SMYD2: variants seen among roughly 807,000 people sequenced by gnomAD.
SMYD2 encodes N-lysine methyltransferase SMYD2.
Under a neutral mutation model 59.1 loss-of-function variants are expected in SMYD2, and 53 were observed. That is an observed-to-expected ratio of 0.90 (90% CI 0.72 to 1.13). The LOEUF (loss-of-function observed/expected upper bound fraction) is 1.13. Among genes scored for constraint, SMYD2 ranks in the 50% most tolerant of loss-of-function variants. The pLI, the probability that SMYD2 is intolerant of heterozygous loss-of-function variation, is 0.00. For synonymous variants in SMYD2, 208 were observed against 198.8 expected, an observed-to-expected ratio of 1.05 and a Z score of -0.39; for missense variants, 494 against 544.7, an observed-to-expected ratio of 0.91 and a Z score of 0.93.
chr1:214,322,753 C>T (rs1157570737), intron 5 of SMYD2, among the ~76,000 whole-genome samples: 2 of 152,204 alleles, frequency 1.3e-5, no homozygotes, highest in Non-Finnish European at 2.9e-5. Flanking sequence ...TTATCATTTA[C>T]ATATCCTTGA....
intron 10 of SMYD2, 185 bp downstream of exon 10, chr1:214,332,377 C>T (rs557080617): frequency 1.4e-4 from 85 of 608,982 alleles, no homozygotes; most frequent in Non-Finnish European, 2.1e-4. Context: ...TCACCATCAT[C>T]CCAAGGAGAC....
intron 11 of SMYD2, among the ~76,000 whole-genome samples, chr1:214,335,147 G>A (rs1657415828): frequency 6.6e-6 from 1 of 152,216 alleles, no homozygotes; most frequent in Non-Finnish European, 1.5e-5. Context: ...AAATGCTGGG[G>A]CCATGGACAG....
intron 2 of SMYD2, among the ~76,000 whole-genome samples, chr1:214,309,740 A>G (rs1656969264): frequency 6.6e-6 from 1 of 152,206 alleles, no homozygotes; most frequent in African/African-American, 2.4e-5. Flanking sequence ...AGCATCTTAA[A>G]TTTGGGCCAC....
chr1:214,317,965 A>G, intron 3 of SMYD2, 114 bp from the exon 4 acceptor site: 3 of 1,013,742 alleles, frequency 3.0e-6, no homozygotes, highest in Non-Finnish European at 4.6e-6. Context: ...AGCTTGTTTT[A>G]CTTCCTTAAG....
chr1:214,336,574 G>T (rs1571937803), intron 11 of SMYD2, 130 bp from the exon 12 acceptor site: 1 of 645,864 alleles, frequency 1.5e-6, no homozygotes, highest in South Asian at 2.3e-5. Context: ...TCCTGGTGGA[G>T]AACATAGGCT....
intron 5 of SMYD2, among the ~76,000 whole-genome samples, chr1:214,320,108 A>G (rs955572710): frequency 1.3e-5 from 2 of 152,194 alleles, no homozygotes; most frequent in Non-Finnish European, 2.9e-5. Flanking sequence ...GGAAAAGGAA[A>G]TACTATAAAT....
intron 1 of SMYD2, among the ~76,000 whole-genome samples, chr1:214,290,250 T>C (rs2102454074): frequency 6.6e-6 from 1 of 152,328 alleles, no homozygotes; most frequent in Non-Finnish European, 1.5e-5. Flanking sequence ...CAACTTATCT[T>C]TCTAGTCCGT....
intron 10 of SMYD2, chr1:214,333,393 TC>T (rs1334466401): frequency 6.6e-6 from 1 of 152,212 alleles, no homozygotes; most frequent in South Asian, 2.1e-4. Flanking sequence ...GGGCCGTGGG[TC>T]CCAGGGCTGC....
chr1:214,324,880 G>T (rs1657237385), intron 6 of SMYD2, among the ~76,000 whole-genome samples, 172 bp downstream of exon 6: 1 of 152,116 alleles, frequency 6.6e-6, no homozygotes, highest in Non-Finnish European at 1.5e-5. Context: ...TACACTTAAG[G>T]ATCCAAAGGT....
At chr1:214,315,295 T>G (rs2102469182) in intron 3 of SMYD2, among the ~76,000 whole-genome samples, 1 of 152,340 alleles carries the variant, frequency 6.6e-6, no homozygotes, top group East Asian at 1.9e-4. Context: ...TGCTCTTTCT[T>G]GGCTCCTTTC....
At chr1:214,288,347 C>T (rs906868805) in intron 1 of SMYD2, among the ~76,000 whole-genome samples, 2 of 152,186 alleles carry the variant, frequency 1.3e-5, no homozygotes, top group Admixed American at 1.3e-4. Flanking sequence ...AGTGGTTTCT[C>T]TGAATTTCAC....
chr1:214,298,727 A>G (rs1025969260), intron 1 of SMYD2, among the ~76,000 whole-genome samples: 1 of 152,234 alleles, frequency 6.6e-6, no homozygotes, highest in African/African-American at 2.4e-5. Context: ...AAAGTGGGCA[A>G]AGAAGACATA....
chr1:214,318,253 T>C lies in SMYD2; in HGVS notation c.409+114T>C, dbSNP rs1423659775. 1 of 933,902 alleles carries C rather than the reference T, an allele frequency of 1.1e-6. No homozygotes were observed. The highest frequency in any genetic ancestry group is 1.6e-6 in the Non-Finnish European group (1 of 618,394). The allele number at this position is 933,902 out of a possible 1,614,324, so 57.9% of individuals were successfully genotyped here. A position where few individuals can be genotyped will look rare whatever the true frequency, so the allele number is the denominator to read the frequency against. On this transcript the variant is annotated intron_variant, in intron 4 of 11. Coordinates refer to ENST00000366957, the MANE Select transcript of SMYD2 (RefSeq NM_020197.3). This position sits in a 1 kb window ranked among gnomAD's most constrained non-coding sequence, Gnocchi z 5.4. ...GTGCTCAGAGGAGTAGTGATTTCTTTGATTACTAGTTTTTATTTTTACTCT... is the reference window on the plus strand; with the variant it reads ...GTGCTCAGAGGAGTAGTGATTTCTTCGATTACTAGTTTTTATTTTTACTCT...
In SMYD2 at chr1:214,327,458, A is replaced by G. The variant is rs897945766; in HGVS notation, c.603-164A>G. ...GTGTGAGATGGTAGATAGGATTATCAGTGCATGCAGAACAACCTCTTAGAA... is the reference window on the plus strand; with the variant it reads ...GTGTGAGATGGTAGATAGGATTATCGGTGCATGCAGAACAACCTCTTAGAA... On this transcript the variant is annotated intron_variant, in intron 6 of 11. Transcript: ENST00000366957. The G allele has an allele frequency of 2.8e-5, 16 of 578,384 alleles. No homozygotes were observed. In the East Asian group the frequency reaches 4.7e-4, roughly 17 times the overall value. 35.8% of individuals were successfully genotyped at this position (578,384 alleles called of 1,614,324 possible). A position where few individuals can be genotyped will look rare whatever the true frequency, so the allele number is the denominator to read the frequency against.
chr1:214,295,243 A>C (rs1267859453), intron 1 of SMYD2, among the ~76,000 whole-genome samples: 1 of 152,222 alleles, frequency 6.6e-6, no homozygotes, highest in Non-Finnish European at 1.5e-5. Context: ...AAGTGTGTAC[A>C]TTCATTCTTT....
chr1:214,297,906 C>T (rs1656760331), intron 1 of SMYD2, among the ~76,000 whole-genome samples: 1 of 152,116 alleles, frequency 6.6e-6, no homozygotes, highest in Non-Finnish European at 1.5e-5. Flanking sequence ...TTAGAGATGA[C>T]ACAAACAAAT....
At chr1:214,333,110 C>G (rs1008153689) in intron 10 of SMYD2, 1 of 152,294 alleles carries the variant, frequency 6.6e-6, no homozygotes, top group African/African-American at 2.4e-5. Flanking sequence ...CCTGATTAGC[C>G]AGCAGGGGGA....
At chr1:214,297,221 C>T (rs1468968539) in intron 1 of SMYD2, among the ~76,000 whole-genome samples, 1 of 152,088 alleles carries the variant, frequency 6.6e-6, no homozygotes, top group Non-Finnish European at 1.5e-5. Flanking sequence ...ATGATCCCTG[C>T]CCCAGACAAC....
chr1:214,334,685 T>C (rs1657408489), intron 11 of SMYD2, among the ~76,000 whole-genome samples: 1 of 152,214 alleles, frequency 6.6e-6, no homozygotes, highest in Admixed American at 6.5e-5. Context: ...GATGTTAGAA[T>C]TGCGCATTTG....
Sources: allele counts gnomAD v4.1 joint callset (sites outside exome capture counted in the v4.1 genomes callset), GRCh38; gene constraint gnomAD v4.1.1; non-coding constraint Gnocchi (gnomAD v3.1); transcripts MANE v1.5; gene names NCBI Gene and HGNC (gene_info 2026-07-23, HGNC 2026-07-21).